Variants in SF3A2 observed in about 807,000 individuals in gnomAD.
The protein encoded by SF3A2 is SAP 62.
Under a neutral mutation model 31.1 loss-of-function variants are expected in SF3A2, and 5 were observed. That is an observed-to-expected ratio of 0.16 (90% CI 0.08 to 0.34). The LOEUF (loss-of-function observed/expected upper bound fraction) is 0.34. Ranked by LOEUF, SF3A2 falls within the 10% of genes least tolerant of loss-of-function variation. The pLI, the probability that SF3A2 is intolerant of heterozygous loss-of-function variation, is 1.00. For missense variants in SF3A2, 577 were observed against 643.9 expected (o/e 0.90, Z 1.13); for synonymous variants, 365 against 263.7 (o/e 1.38, Z -3.72).
At chr19:2,243,312 G>A (rs769770162) in intron 1 of SF3A2, 70 bp from the exon 2 acceptor site, 34 of 1,316,492 alleles carry the variant, frequency 2.6e-5, no homozygotes, top group Admixed American at 1.7e-4. Flanking sequence ...AGCCCAGCCC[G>A]CCCAGGGAGG....
rs760114233 is a variant in SF3A2 at position 2,247,055 on chromosome 19, T to C, written c.546+33T>C. ...GGCTGCGGGGTTCCCTGGGCCCCCT[T>C]GAGATGTGCAAGCCAGAAGGATCTG... is the stretch of plus-strand genomic sequence containing the variant. On this transcript the variant is annotated intron_variant, in intron 7 of 8. Transcript: ENST00000221494. 102 of 1,143,984 alleles carry C rather than the reference T, an allele frequency of 8.9e-5. No individual in the cohort carries two copies. In the Middle Eastern group the frequency reaches 1.2e-3, roughly 13 times the overall value. 70.9% of individuals were successfully genotyped at this position (1,143,984 alleles called of 1,614,324 possible). A position where few individuals can be genotyped will look rare whatever the true frequency, so the allele number is the denominator to read the frequency against.
intron 2 of SF3A2, among the ~76,000 whole-genome samples, 169 bp from the exon 3 acceptor site, chr19:2,244,375 T>A (rs1389911480): frequency 6.6e-6 from 1 of 152,208 alleles, no homozygotes; most frequent in Non-Finnish European, 1.5e-5. Flanking sequence ...GGCCTCCCGC[T>A]GGATCCCCCG....
intron 7 of SF3A2, 154 bp downstream of exon 7, chr19:2,247,176 A>ACCGGCCGGGCAGGGCC: frequency 2.1e-5 from 1 of 48,286 alleles, no homozygotes. Context: ...CGGGCAGGGC[A>ACCGGCCGGGCAGGGCC]CCTCTCCCAT....
chr19:2,238,341 G>C (rs1242900698), intron 1 of SF3A2, among the ~76,000 whole-genome samples: 1 of 152,150 alleles, frequency 6.6e-6, no homozygotes, highest in African/African-American at 2.4e-5. Flanking sequence ...ATTTTTTGTA[G>C]AGATGGGGTT....
chr19:2,239,653 G>A (rs947485500), intron 1 of SF3A2, among the ~76,000 whole-genome samples: 2 of 152,036 alleles, frequency 1.3e-5, no homozygotes, highest in Non-Finnish European at 2.9e-5. Flanking sequence ...TCTTGCTAAT[G>A]TTCTTATGTT....
intron 1 of SF3A2, chr19:2,237,393 C>T (rs1273131968): frequency 2.2e-5 from 3 of 135,264 alleles, no homozygotes; most frequent in South Asian, 2.4e-4. Flanking sequence ...GGCAACATAG[C>T]GAGACCCCAT....
chr19:2,248,151 C>G lies in SF3A2; in HGVS notation c.1000C>G (p.Pro334Ala). 1 of 1,462,656 alleles carries G rather than the reference C, an allele frequency of 6.8e-7. No homozygotes were observed. The highest frequency in any genetic ancestry group is 9.3e-7 in the Non-Finnish European group (1 of 1,075,928). 90.6% of individuals were successfully genotyped at this position (1,462,656 alleles called of 1,614,324 possible). A position where few individuals can be genotyped will look rare whatever the true frequency, so the allele number is the denominator to read the frequency against. Residue 334 changes from proline (P) to alanine (A), a missense_variant, in exon 9 of 9, where the codon CCT (proline) becomes GCT (alanine). Around this residue, in one of 6 missense-constraint regions of SF3A2, gnomAD observed 462 missense variants for 339.1 expected, o/e 1.36. Coordinates refer to ENST00000221494, the MANE Select transcript of SF3A2 (RefSeq NM_007165.5). ...AACCTCTGGGGTCCACCCCCCAGCT[C>G]CTGGAGTCCACCCTCCAGCCCCCGG... Reference protein sequence around the residue: ...PPTSGVHPPAPGVHPPAPGVH... With the variant: ...PPTSGVHPPAAGVHPPAPGVH...
Position 2,244,768 on chromosome 19 carries a change from C to T in SF3A2, c.234C>T (p.His78=), listed in dbSNP as rs1441209929. Residue 78 remains histidine, a synonymous_variant, in exon 4 of 9, where the codon CAC becomes CAT. Coordinates refer to ENST00000221494, the MANE Select transcript of SF3A2 (RefSeq NM_007165.5). ...SYLAHTQGKK[H]QTNLARRAAK... is the part of the protein sequence containing the mutation. ...TGGCACATACGCAGGGGAAGAAGCACCAGACCAACCTGTGAGTACCTCATG... is the reference window on the plus strand; with the variant it reads ...TGGCACATACGCAGGGGAAGAAGCATCAGACCAACCTGTGAGTACCTCATG... 4 of 1,613,854 alleles carry T rather than the reference C, an allele frequency of 2.5e-6. No homozygotes were observed. Among genetic ancestry groups the T allele is most frequent in the African/African-American group, 2.7e-5 (2 of 74,936 alleles).
chr19:2,239,929 G>C (rs1373714524), intron 1 of SF3A2, among the ~76,000 whole-genome samples: 1 of 152,170 alleles, frequency 6.6e-6, no homozygotes, highest in East Asian at 1.9e-4. Flanking sequence ...GGCTTCCCCC[G>C]ATAATGAAGG....
chr19:2,239,310 A>G (rs944665406), intron 1 of SF3A2, among the ~76,000 whole-genome samples: 2 of 148,730 alleles, frequency 1.3e-5, no homozygotes, highest in Non-Finnish European at 1.5e-5. Context: ...GGTTGCAGTG[A>G]GCCAAGATCG....
intron 1 of SF3A2, among the ~76,000 whole-genome samples, chr19:2,239,199 C>T (rs77682561): frequency 0.053 from 8,088 of 152,128 alleles, 248 homozygotes; most frequent in East Asian, 0.13. Context: ...ATCCCATCTC[C>T]ACTAAAAATA....
chr19:2,239,499 G>A (rs1276449950), intron 1 of SF3A2, among the ~76,000 whole-genome samples: 1 of 152,104 alleles, frequency 6.6e-6, no homozygotes, highest in African/African-American at 2.4e-5. Context: ...CTGTCTAGTA[G>A]AAGCTTAACA....
chr19:2,238,815 A>AATGGGACTGGTTGTGCT (rs1442496959), intron 1 of SF3A2, among the ~76,000 whole-genome samples: 1 of 151,964 alleles, frequency 6.6e-6, no homozygotes, highest in Non-Finnish European at 1.5e-5. Flanking sequence ...TCCTCCTCCA[A>AATGGGACTGGTTGTGCT]ATGGGACTGG....
At position 2,242,484 on chromosome 19, in the gene SF3A2, A is replaced by C. The variant is rs142214857; in HGVS notation, c.-37-898A>C. Among the ~76,000 whole-genome samples, 1,090 of 152,164 alleles carry C rather than the reference A, an allele frequency of 7.2e-3. 15 individuals carry two copies. The highest frequency in any genetic ancestry group is 0.025 in the African/African-American group (1,038 of 41,504). On this transcript the variant is annotated intron_variant, in intron 1 of 8. Coordinates refer to ENST00000221494, the MANE Select transcript of SF3A2 (RefSeq NM_007165.5). ...GCCTCCTCTCATGAGGTCACCCAGG[A>C]TCACCTGCCATTTTAAGATCCTCAA...
At chr19:2,237,438 G>C (rs1314598583) in intron 1 of SF3A2, 1 of 150,118 alleles carries the variant, frequency 6.7e-6, no homozygotes. Flanking sequence ...AATTAGCCGG[G>C]CGTGGTTGGT....
In SF3A2 at chr19:2,247,943, G is replaced by GC; in HGVS notation, c.798dup (p.Thr267HisfsTer?). On this transcript the variant is annotated frameshift_variant, in exon 9 of 9. Coordinates refer to ENST00000221494, the MANE Select transcript of SF3A2 (RefSeq NM_007165.5). LOFTEE classifies it low-confidence loss of function (END_TRUNC). ...CAGGAGGCCTGCCTCTGCCACCCAT[G>GC]CCCCCCACAGGGCCTGCGCCCTCAG... is the stretch of plus-strand genomic sequence containing the variant. The GC allele has an allele frequency of 1.3e-5, 19 of 1,457,284 alleles. No individual in the cohort carries two copies. Among genetic ancestry groups the GC allele is most frequent in the African/African-American group, 2.9e-5 (2 of 69,844 alleles). The allele number at this position is 1,457,284 out of a possible 1,614,324, so 90.3% of individuals were successfully genotyped here. A position where few individuals can be genotyped will look rare whatever the true frequency, so the allele number is the denominator to read the frequency against.
chr19:2,246,176 A>C lies in SF3A2; in HGVS notation c.356-577A>C, dbSNP rs2024930746. ...GTGCACCGGGTGGGCGAGGGTGGCTAGAGCGGCAGGCTCCTGGTGGGGAGG... is the reference window on the plus strand; with the variant it reads ...GTGCACCGGGTGGGCGAGGGTGGCTCGAGCGGCAGGCTCCTGGTGGGGAGG... On this transcript the variant is annotated intron_variant, in intron 5 of 8. Coordinates refer to ENST00000221494, the MANE Select transcript of SF3A2 (RefSeq NM_007165.5). This position sits in a 1 kb window ranked among gnomAD's most constrained non-coding sequence, Gnocchi z 5.5. Among the ~76,000 whole-genome samples, 1 of 152,110 alleles carries C rather than the reference A, an allele frequency of 6.6e-6. No individual in the cohort carries two copies. The highest frequency in any genetic ancestry group is 2.4e-5 in the African/African-American group (1 of 41,436).
intron 2 of SF3A2, 38 bp downstream of exon 2, chr19:2,243,582 T>C (rs1050978714): frequency 1.3e-6 from 2 of 1,513,132 alleles, no homozygotes; most frequent in East Asian, 2.7e-5. Flanking sequence ...TGGTGGGTGC[T>C]GGGCTTTCCA....
chr19:2,238,189 A>G (rs1371065996), intron 1 of SF3A2, among the ~76,000 whole-genome samples: 2 of 152,042 alleles, frequency 1.3e-5, no homozygotes, highest in Non-Finnish European at 2.9e-5. Flanking sequence ...ATGTCCGGCG[A>G]ATTTTTGTAT....
Sources: gnomAD v4.1 joint callset for allele counts (sites outside exome capture counted in the v4.1 genomes callset) on GRCh38, gnomAD v4.1.1 for gene constraint, gnomAD v4.1.1 regional missense constraint, Gnocchi (gnomAD v3.1) non-coding constraint, MANE v1.5 for transcripts, NCBI Gene and HGNC (gene_info 2026-07-23, HGNC 2026-07-21) for gene names.